The following CDKN2B-AS1 variants were observed in gnomAD, a reference collection of about 807,000 sequenced individuals.
CDKN2B-AS1 encodes CDKN2B antisense RNA 1 (non-protein coding).
intron 4 of CDKN2B-AS1, among the ~76,000 whole-genome samples, chr9:22,091,748 T>G (rs1468082035): frequency 1.3e-5 from 2 of 152,212 alleles, no homozygotes; most frequent in South Asian, 2.1e-4. Context: ...TTTCTAGATA[T>G]ACAATCATGT....
rs935786603 is a variant in CDKN2B-AS1 at position 21,995,944 on chromosome 9, G to C, written n.29+783G>C. ...TGGGTGGGTGTGTGCCAGAGGATTC[G>C]GGACTAGGCCCAGCTCCGGGAACCT... On this transcript the variant is annotated intron_variant and non_coding_transcript_variant, in intron 1 of 4. Coordinates refer to ENST00000650946, the Ensembl canonical transcript of CDKN2B-AS1. This position sits in a 1 kb window ranked among gnomAD's most constrained non-coding sequence, Gnocchi z 5.7. 1.3e-5 allele frequency: 2 copies of C among 152,650 alleles called. No homozygotes were observed. Among genetic ancestry groups the C allele is most frequent in the Non-Finnish European group, 2.9e-5 (2 of 68,394 alleles). The allele number at this position is 152,650 out of a possible 1,614,324, so 9.5% of individuals were successfully genotyped here. A position where few individuals can be genotyped will look rare whatever the true frequency, so the allele number is the denominator to read the frequency against.
chr9:22,016,988 G>A (rs796596084), intron 1 of CDKN2B-AS1, among the ~76,000 whole-genome samples: 120 of 152,272 alleles, frequency 7.9e-4, no homozygotes, highest in African/African-American at 2.7e-3. Flanking sequence ...TTTTTGACAT[G>A]GAACTATTAG....
rs534087244 is a variant in CDKN2B-AS1 at position 22,062,976 on chromosome 9, G to GACACACACACACAC, written n.438+6600_438+6601insCACACACACACACA. The stretch of plus-strand genomic sequence containing the variant: ...GACTTGTGTGTGTGTGTGAAAGACA[G>GACACACACACACAC]ACACACACACATATATATATATAGA... On this transcript the variant is annotated intron_variant and non_coding_transcript_variant, in intron 4 of 4. Transcript: ENST00000650946. Among the ~76,000 whole-genome samples, 1,710 of 125,268 alleles carry GACACACACACACAC rather than the reference G, an allele frequency of 0.014. 79 individuals carry two copies. The East Asian group carries it at 0.18, about 13-fold the overall frequency. The allele number at this position is 125,268 out of a possible 152,430, so 82.2% of individuals were successfully genotyped here.
At position 22,099,711 on chromosome 9, in the gene CDKN2B-AS1, C is replaced by T. The variant is rs553500256; in HGVS notation, n.439-27392C>T. On this transcript the variant is annotated intron_variant and non_coding_transcript_variant, in intron 4 of 4. Coordinates refer to ENST00000650946, the Ensembl canonical transcript of CDKN2B-AS1. ...GTGGTAAAGAGGGAAAAGATTTGAG[C>T]CACATTTAGATCCTGATGTGGTATT... 7.3e-5 allele frequency among the ~76,000 whole-genome samples: 11 copies of T among 151,536 alleles called. No homozygotes were observed. The South Asian group carries it at 2.3e-3, about 32-fold the overall frequency.
chr9:22,056,770 A>C (rs960460150), intron 4 of CDKN2B-AS1, among the ~76,000 whole-genome samples: 1 of 152,080 alleles, frequency 6.6e-6, no homozygotes, highest in Non-Finnish European at 1.5e-5. Context: ...GTGACCTCTA[A>C]ACCAGTAATT....
chr9:22,071,187 T>A (rs570372833), intron 4 of CDKN2B-AS1, among the ~76,000 whole-genome samples: 1 of 149,530 alleles, frequency 6.7e-6, no homozygotes, highest in South Asian at 2.1e-4. Flanking sequence ...GAGACTAATA[T>A]CTAGTATGAC....
chr9:21,997,491 G>A lies in CDKN2B-AS1; in HGVS notation n.29+2330G>A, dbSNP rs1038527277. On this transcript the variant is annotated intron_variant and non_coding_transcript_variant, in intron 1 of 4. Transcript: ENST00000650946. The surrounding 1 kb of genome is among the most constrained non-coding windows in gnomAD (Gnocchi z 4.8). ...AGAAAGAGAGGGAGGGAGAGAGAGA[G>A]AGAGAGAGAGAGAAAGAGAAAGAGA... 1.3e-5 allele frequency among the ~76,000 whole-genome samples: 2 copies of A among 151,936 alleles called. No homozygotes were observed. Among genetic ancestry groups the A allele is most frequent in the African/African-American group, 4.8e-5 (2 of 41,372 alleles).
At position 22,006,157 on chromosome 9, in the gene CDKN2B-AS1, G is replaced by A. The variant is rs773400600; in HGVS notation, n.29+10996G>A. On this transcript the variant is annotated intron_variant and non_coding_transcript_variant, in intron 1 of 4. Transcript: ENST00000650946. This position sits in a 1 kb window ranked among gnomAD's most constrained non-coding sequence, Gnocchi z 6.4. ...CCCTCCCGGGCAGCATCATGCACCGGTCGGGTGAGAGTGGCAGGGTCTGCG... is the reference window on the plus strand; with the variant it reads ...CCCTCCCGGGCAGCATCATGCACCGATCGGGTGAGAGTGGCAGGGTCTGCG... 2 of 1,611,680 alleles carry A rather than the reference G, an allele frequency of 1.2e-6. No homozygotes were observed. The highest frequency in any genetic ancestry group is 1.7e-6 in the Non-Finnish European group (2 of 1,179,896).
intron 1 of CDKN2B-AS1, among the ~76,000 whole-genome samples, chr9:22,041,976 A>G (rs186818810): frequency 2.0e-5 from 3 of 151,998 alleles, no homozygotes; most frequent in South Asian, 2.1e-4. Flanking sequence ...GCAGATTTGG[A>G]TGGTGAGAGC....
chr9:22,080,652 G>A (rs112445965), intron 4 of CDKN2B-AS1, among the ~76,000 whole-genome samples: 76 of 152,364 alleles, frequency 5.0e-4, no homozygotes, highest in Non-Finnish European at 7.3e-4. Flanking sequence ...ATGGGCTGTT[G>A]GAAGGAAGAC....
At chr9:22,096,691 C>T (rs1198835748) in intron 4 of CDKN2B-AS1, among the ~76,000 whole-genome samples, 1 of 152,180 alleles carries the variant, frequency 6.6e-6, no homozygotes, top group Non-Finnish European at 1.5e-5. Flanking sequence ...GACCCTGGCC[C>T]TGTCCCACTG....
At position 22,005,291 on chromosome 9, in the gene CDKN2B-AS1, T is replaced by C. The variant is rs1821116676; in HGVS notation, n.29+10130T>C. ...TCCTGTGCAAAGGTGCTCTGCAGCG[T>C]CGTGATCCAGGGATTTTAGCATCTG... On this transcript the variant is annotated intron_variant and non_coding_transcript_variant, in intron 1 of 4. Transcript: ENST00000650946. This position sits in a 1 kb window ranked among gnomAD's most constrained non-coding sequence, Gnocchi z 4.9. 4.2e-6 allele frequency: 1 copy of C among 237,668 alleles called. No homozygotes were observed. Among genetic ancestry groups the C allele is most frequent in the Non-Finnish European group, 8.3e-6 (1 of 120,884 alleles). 14.7% of individuals were successfully genotyped at this position (237,668 alleles called of 1,614,324 possible).
intron 1 of CDKN2B-AS1, chr9:22,009,403 G>T (rs1166808267): frequency 3.2e-6 from 1 of 309,540 alleles, no homozygotes; most frequent in Non-Finnish European, 6.1e-6. Context: ...TGTGATCGCC[G>T]GGAGGCCAGG....
intron 1 of CDKN2B-AS1, among the ~76,000 whole-genome samples, chr9:22,027,087 G>A (rs1822268871): frequency 6.6e-6 from 1 of 151,094 alleles, no homozygotes; most frequent in Non-Finnish European, 1.5e-5. Flanking sequence ...GCTATATTTA[G>A]TCACCCCTTT....
intron 4 of CDKN2B-AS1, among the ~76,000 whole-genome samples, chr9:22,059,393 A>C (rs774421599): frequency 6.6e-6 from 1 of 152,224 alleles, no homozygotes; most frequent in African/African-American, 2.4e-5. Flanking sequence ...CGAGGCAGTC[A>C]AACTTTGAAG....
rs138552700 is a variant in CDKN2B-AS1 at position 22,009,041 on chromosome 9, C to T, written n.29+13880C>T. The T allele has an allele frequency of 8.1e-3, 12,835 of 1,578,744 alleles. 71 individuals are homozygous for T. Among genetic ancestry groups the T allele is most frequent in the Non-Finnish European group, 9.1e-3 (10,449 of 1,150,024 alleles). The stretch of plus-strand genomic sequence containing the variant: ...CTCTTCCCTTCTTTCCCACGCTGCT[C>T]CGGCGCACTCTCTCCTTCCTAGGAG... On this transcript the variant is annotated intron_variant and non_coding_transcript_variant, in intron 1 of 4. Coordinates refer to ENST00000650946, the Ensembl canonical transcript of CDKN2B-AS1.
At chr9:22,061,689 CT>C (rs1180745158) in intron 4 of CDKN2B-AS1, among the ~76,000 whole-genome samples, 2 of 151,972 alleles carry the variant, frequency 1.3e-5, no homozygotes, top group Non-Finnish European at 2.9e-5. Context: ...TTGAAAATTA[CT>C]TGTGTTTATT....
At chr9:22,103,270 A>G (rs892275620) in intron 4 of CDKN2B-AS1, among the ~76,000 whole-genome samples, 2 of 151,712 alleles carry the variant, frequency 1.3e-5, no homozygotes, top group African/African-American at 4.8e-5. Flanking sequence ...CATTATCACC[A>G]CTGATATATA....
intron 4 of CDKN2B-AS1, among the ~76,000 whole-genome samples, chr9:22,108,111 A>G (rs912787151): frequency 1.3e-5 from 2 of 152,172 alleles, no homozygotes; most frequent in African/African-American, 2.4e-5. Flanking sequence ...GTTATATATT[A>G]GTTTGGGCCT....
Sources: gnomAD v4.1 joint callset for allele counts (sites outside exome capture counted in the v4.1 genomes callset) on GRCh38, gnomAD v4.1.1 for gene constraint, Gnocchi (gnomAD v3.1) non-coding constraint, MANE v1.5 for transcripts, NCBI Gene and HGNC (gene_info 2026-07-23, HGNC 2026-07-21) for gene names.